Variants in DROSHA observed in about 807,000 individuals in gnomAD.
DROSHA encodes drosha ribonuclease III, also known as ribonuclease 3.
Under a neutral mutation model 181.9 loss-of-function variants are expected in DROSHA, and 56 were observed. The ratio of observed to expected loss-of-function variants is 0.31; its 90% confidence interval spans 0.25 to 0.38. The LOEUF (loss-of-function observed/expected upper bound fraction) is 0.38. Ranked by LOEUF, DROSHA falls within the 10% of genes least tolerant of loss-of-function variation. The pLI, the probability that DROSHA is intolerant of heterozygous loss-of-function variation, is 1.00. For missense variants in DROSHA, 1,218 were observed against 1,743.5 expected (o/e 0.70, Z 5.37); for synonymous variants, 524 against 591.2 (o/e 0.89, Z 1.65).
intron 5 of DROSHA, among the ~76,000 whole-genome samples, chr5:31,523,223 C>CA (rs1437373551): frequency 1.3e-5 from 2 of 152,262 alleles, no homozygotes; most frequent in East Asian, 3.9e-4. Context: ...CAAAGGGAGC[C>CA]AATTATAATG....
chr5:31,504,311 A>AAC (rs1737653339), intron 11 of DROSHA, among the ~76,000 whole-genome samples: 1 of 152,208 alleles, frequency 6.6e-6, no homozygotes, highest in African/African-American at 2.4e-5. Flanking sequence ...AACCATATCA[A>AAC]ACACACCATG....
chr5:31,526,968 G>A, intron 4 of DROSHA, 56 bp from the exon 5 acceptor site: 1 of 1,486,156 alleles, frequency 6.7e-7, no homozygotes, highest in South Asian at 1.3e-5. Flanking sequence ...TTCTTACTAT[G>A]TAAACAGGGT....
intron 35 of DROSHA, among the ~76,000 whole-genome samples, chr5:31,402,199 T>C (rs967308477): frequency 2.6e-5 from 4 of 152,170 alleles, no homozygotes; most frequent in Admixed American, 2.0e-4. Flanking sequence ...TTCAAACACA[T>C]GAAGAATCCA....
intron 7 of DROSHA, 113 bp downstream of exon 7, chr5:31,515,341 T>C (rs569568640): frequency 1.3e-5 from 15 of 1,172,752 alleles, no homozygotes; most frequent in Non-Finnish European, 1.8e-5. Context: ...AATCACCGTG[T>C]GTACTTTTGT....
At chr5:31,420,115 G>A (rs1176308781) in intron 30 of DROSHA, among the ~76,000 whole-genome samples, 1 of 152,122 alleles carries the variant, frequency 6.6e-6, no homozygotes, top group South Asian at 2.1e-4. Flanking sequence ...ATTCTCTCTA[G>A]TTCCAATATT....
chr5:31,515,528 T>A lies in DROSHA; in HGVS notation c.984A>T (p.Gly328=). 1 of 1,545,192 alleles carries A rather than the reference T, an allele frequency of 6.5e-7. No individual in the cohort carries two copies. Among genetic ancestry groups the A allele is most frequent in the South Asian group, 1.2e-5 (1 of 83,882 alleles). The change falls in exon 7 of 36, where the codon GGA becomes GGT. Residue 328 remains glycine (G), a synonymous_variant. Coordinates refer to ENST00000344624, the MANE Select transcript of DROSHA (RefSeq NM_001382508.1). Reference sequence around the variant, plus strand: ...TCTCCCCAGGTAATTCTGGTGTGCATCCAGCAGGTTCAGGAACAACCGATA... The same window carrying A: ...TCTCCCCAGGTAATTCTGGTGTGCAACCAGCAGGTTCAGGAACAACCGATA... ...YGLSVVPEPA[G]CTPELPGEII...
In DROSHA at chr5:31,451,623, A is replaced by G. The variant is rs747027392; in HGVS notation, c.2592T>C (p.Pro864=). 2 of 1,611,994 alleles carry G rather than the reference A, an allele frequency of 1.2e-6. No individual in the cohort carries two copies. The highest frequency in any genetic ancestry group is 4.5e-5 in the East Asian group (2 of 44,826). The change falls in exon 21 of 36, where the codon CCT becomes CCC. Residue 864 remains proline, a synonymous_variant. Coordinates refer to ENST00000344624, the MANE Select transcript of DROSHA (RefSeq NM_001382508.1). ...SDVCQHAMML[P]VLTHHIRYHQ... Reference sequence around the variant, plus strand: ...GGTAGCGGATATGATGGGTCAGAACAGGTAGCATCATTGCATGCTAGGAAA... The same window carrying G: ...GGTAGCGGATATGATGGGTCAGAACGGGTAGCATCATTGCATGCTAGGAAA...
chr5:31,497,190 G>A (rs1350998990), intron 11 of DROSHA, among the ~76,000 whole-genome samples: 6 of 146,736 alleles, frequency 4.1e-5, no homozygotes, highest in South Asian at 2.3e-4. Context: ...GAGAAGCTGC[G>A]CAGTCCCATC....
At chr5:31,529,397 T>C (rs1580406227) in intron 3 of DROSHA, among the ~76,000 whole-genome samples, 1 of 152,174 alleles carries the variant, frequency 6.6e-6, no homozygotes, top group East Asian at 1.9e-4. Context: ...AAAAATATCA[T>C]TTCCCCTCTC....
At chr5:31,456,810 G>A (rs948839017) in intron 20 of DROSHA, among the ~76,000 whole-genome samples, 1 of 152,078 alleles carries the variant, frequency 6.6e-6, no homozygotes, top group Non-Finnish European at 1.5e-5. Context: ...CGCCCATGCT[G>A]GAGTACAGTA....
intron 9 of DROSHA, 79 bp downstream of exon 9, chr5:31,510,956 T>C: frequency 6.5e-7 from 1 of 1,530,270 alleles, no homozygotes; most frequent in Non-Finnish European, 8.9e-7. Context: ...AATGTGGGAC[T>C]CTCAAGGGTA....
chr5:31,500,723 T>G (rs1454479565), intron 11 of DROSHA, among the ~76,000 whole-genome samples: 1 of 152,074 alleles, frequency 6.6e-6, no homozygotes, highest in Non-Finnish European at 1.5e-5. Context: ...AGAGCAGAGC[T>G]CACCAGCAGT....
At chr5:31,458,022 C>T (rs777992410) in intron 20 of DROSHA, among the ~76,000 whole-genome samples, 23 of 152,180 alleles carry the variant, frequency 1.5e-4, no homozygotes, top group Admixed American at 5.2e-4. Context: ...CAGTGAGATA[C>T]AGCTATAGAT....
intron 26 of DROSHA, among the ~76,000 whole-genome samples, chr5:31,430,687 G>A (rs1284991207): frequency 1.3e-5 from 2 of 152,262 alleles, no homozygotes; most frequent in East Asian, 3.9e-4. Flanking sequence ...ACAGAGCAAA[G>A]TAATTCCATG....
intron 30 of DROSHA, among the ~76,000 whole-genome samples, chr5:31,412,075 T>C (rs1283306755): frequency 1.3e-5 from 2 of 152,210 alleles, no homozygotes; most frequent in African/African-American, 4.8e-5. Context: ...ATACACTGCA[T>C]GAAAATTATG....
chr5:31,447,295 T>C (rs898337094), intron 23 of DROSHA, among the ~76,000 whole-genome samples: 2 of 152,176 alleles, frequency 1.3e-5, no homozygotes, highest in Non-Finnish European at 2.9e-5. Flanking sequence ...TTAGGCTTAA[T>C]ACTTGGGTGA....
intron 8 of DROSHA, among the ~76,000 whole-genome samples, chr5:31,511,632 T>C (rs1385525089): frequency 6.6e-6 from 1 of 151,656 alleles, no homozygotes. Flanking sequence ...AGTTGGAGGA[T>C]GCAGTGAGCT....
At chr5:31,477,913 T>C (rs945457923) in intron 16 of DROSHA, among the ~76,000 whole-genome samples, 3 of 152,202 alleles carry the variant, frequency 2.0e-5, no homozygotes, top group Non-Finnish European at 2.9e-5. Context: ...CTGGTCAACA[T>C]TGAATAATCC....
chr5:31,418,828 A>G (rs771563103), intron 30 of DROSHA, among the ~76,000 whole-genome samples: 4 of 152,134 alleles, frequency 2.6e-5, no homozygotes, highest in Non-Finnish European at 2.9e-5. Flanking sequence ...TACTCAGGGA[A>G]TACTGGACGA....
Sources: gnomAD v4.1 joint callset for allele counts (sites outside exome capture counted in the v4.1 genomes callset) on GRCh38, gnomAD v4.1.1 for gene constraint, MANE v1.5 for transcripts, NCBI Gene and HGNC (gene_info 2026-07-23, HGNC 2026-07-21) for gene names.